Variants in ZNF609 observed in about 807,000 individuals in gnomAD.
ZNF609 encodes zinc finger protein 609.
ZNF609 carries 11 observed loss-of-function variants against 109.5 expected under a neutral mutation model. The observed-to-expected ratio is 0.10, with a 90% CI of 0.06 to 0.17. The LOEUF is 0.17. Among genes scored for constraint, ZNF609 ranks in the 10% least tolerant of loss-of-function variants. The pLI, the probability that ZNF609 is intolerant of heterozygous loss-of-function variation, is 1.00. For missense variants in ZNF609, 1,559 were observed against 1,772.4 expected, an observed-to-expected ratio of 0.88 and a Z score of 2.16; for synonymous variants, 646 against 662.0, an observed-to-expected ratio of 0.98 and a Z score of 0.37.
chr15:64,598,771 T>TGG (rs1895442733), intron 2 of ZNF609, among the ~76,000 whole-genome samples: 5 of 128,334 alleles, frequency 3.9e-5, no homozygotes, highest in Admixed American at 3.8e-4. Context: ...TATATATATA[T>TGG]ATATATATAT....
At chr15:64,524,260 G>A (rs1163423385) in intron 2 of ZNF609, among the ~76,000 whole-genome samples, 2 of 152,074 alleles carry the variant, frequency 1.3e-5, no homozygotes, top group Non-Finnish European at 2.9e-5. Flanking sequence ...TCATGTAAAT[G>A]GAATCATACA....
intron 2 of ZNF609, among the ~76,000 whole-genome samples, chr15:64,596,653 TAGC>T (rs1895403358): frequency 6.6e-6 from 1 of 152,206 alleles, no homozygotes; most frequent in African/African-American, 2.4e-5. Context: ...TGTCTCCTAA[TAGC>T]AGTTTCTAAT....
chr15:64,600,364 G>T (rs1410532371), intron 2 of ZNF609, among the ~76,000 whole-genome samples: 1 of 150,756 alleles, frequency 6.6e-6, no homozygotes, highest in Non-Finnish European at 1.5e-5. Context: ...GCAGGAGAAT[G>T]GCATGAACCC....
intron 1 of ZNF609, among the ~76,000 whole-genome samples, chr15:64,481,548 G>A (rs1285365116): frequency 6.6e-6 from 1 of 151,752 alleles, no homozygotes; most frequent in Non-Finnish European, 1.5e-5. Flanking sequence ...TCGAACTCCC[G>A]ACCTCAGGTG....
At chr15:64,514,202 CCTTT>C (rs777130334) in intron 2 of ZNF609, among the ~76,000 whole-genome samples, 12 of 151,642 alleles carry the variant, frequency 7.9e-5, no homozygotes, top group Non-Finnish European at 1.3e-4. Context: ...GGTTTTTGTT[CCTTT>C]CTTTCTTTTT....
chr15:64,505,294 G>A (rs1893618951), intron 2 of ZNF609, among the ~76,000 whole-genome samples: 1 of 149,910 alleles, frequency 6.7e-6, no homozygotes, highest in African/African-American at 2.4e-5. Context: ...TAATAATTGA[G>A]GAATAGTTCT....
chr15:64,602,889 ATTTTTTTTTTTTTTTTTT>A (rs10600562), intron 2 of ZNF609, among the ~76,000 whole-genome samples: 2 of 75,166 alleles, frequency 2.7e-5, no homozygotes, highest in African/African-American at 5.6e-5. Context: ...CTCTGGGCTA[ATTTTTTTTTTTTTTTTTT>A]TTTTTTTTTT....
chr15:64,680,505 A>T, intron 7 of ZNF609, 141 bp from the exon 8 acceptor site: 1 of 1,289,428 alleles, frequency 7.8e-7, no homozygotes, highest in Non-Finnish European at 1.1e-6. Context: ...CATCTTCTTT[A>T]TTCTTAGGTA....
intron 2 of ZNF609, among the ~76,000 whole-genome samples, chr15:64,556,402 G>A (rs1265899590): frequency 6.6e-6 from 1 of 152,036 alleles, no homozygotes; most frequent in Non-Finnish European, 1.5e-5. Context: ...CCAAGTGCTA[G>A]GATTACAGGC....
At chr15:64,487,537 TCCCAGTTGGTATC>T (rs1434054363) in intron 1 of ZNF609, among the ~76,000 whole-genome samples, 1 of 152,166 alleles carries the variant, frequency 6.6e-6, no homozygotes, top group African/African-American at 2.4e-5. Flanking sequence ...TCGTGTTTCT[TCCCAGTTGGTATC>T]CCTCTCCCCA....
At chr15:64,649,806 T>C (rs566257032) in intron 3 of ZNF609, among the ~76,000 whole-genome samples, 1 of 152,184 alleles carries the variant, frequency 6.6e-6, no homozygotes, top group Non-Finnish European at 1.5e-5. Flanking sequence ...AAAGTAAGTC[T>C]TCTTTCCCTG....
At chr15:64,515,577 A>G (rs1381323188) in intron 2 of ZNF609, among the ~76,000 whole-genome samples, 2 of 152,158 alleles carry the variant, frequency 1.3e-5, no homozygotes, top group Admixed American at 6.5e-5. Context: ...GGGGAGGGGT[A>G]GGATAGAGGA....
intron 1 of ZNF609, among the ~76,000 whole-genome samples, chr15:64,493,338 G>T (rs1399203128): frequency 6.6e-6 from 1 of 152,132 alleles, no homozygotes; most frequent in Non-Finnish European, 1.5e-5. Context: ...GTTCATTCCT[G>T]AGGTAGAAGA....
At chr15:64,614,218 C>A (rs1208141017) in intron 2 of ZNF609, among the ~76,000 whole-genome samples, 3 of 149,908 alleles carry the variant, frequency 2.0e-5, no homozygotes, top group Admixed American at 1.3e-4. Context: ...ATGTGCCCAG[C>A]CTTTTTTCTG....
At chr15:64,561,013 A>G (rs1165465731) in intron 2 of ZNF609, among the ~76,000 whole-genome samples, 4 of 152,214 alleles carry the variant, frequency 2.6e-5, no homozygotes, top group African/African-American at 9.6e-5. Context: ...ATTTCTACGT[A>G]TCTGACTGCA....
At chr15:64,508,205 A>C (rs1893664014) in intron 2 of ZNF609, among the ~76,000 whole-genome samples, 1 of 152,192 alleles carries the variant, frequency 6.6e-6, no homozygotes, top group South Asian at 2.1e-4. Context: ...ATTATATTTT[A>C]AGAGCCCATC....
intron 2 of ZNF609, among the ~76,000 whole-genome samples, chr15:64,595,131 AG>A (rs1387309753): frequency 6.6e-6 from 1 of 151,444 alleles, no homozygotes; most frequent in East Asian, 1.9e-4. Context: ...AGGCTAAGAC[AG>A]GTGGATCACC....
intron 3 of ZNF609, among the ~76,000 whole-genome samples, chr15:64,649,406 A>T (rs1262512649): frequency 6.6e-6 from 1 of 152,128 alleles, no homozygotes; most frequent in Non-Finnish European, 1.5e-5. Flanking sequence ...ACTCTCTCTC[A>T]CACACACATG....
chr15:64,643,624 G>C (rs922073995), intron 3 of ZNF609: 2 of 152,068 alleles, frequency 1.3e-5, no homozygotes, highest in Non-Finnish European at 2.9e-5. Flanking sequence ...ATAACTGAAG[G>C]CATATTCAAC....
Sources: allele counts gnomAD v4.1 joint callset (sites outside exome capture counted in the v4.1 genomes callset), GRCh38; gene constraint gnomAD v4.1.1; transcripts MANE v1.5; gene names NCBI Gene and HGNC (gene_info 2026-07-23, HGNC 2026-07-21).